The following FBN3 variants were observed in gnomAD, a reference collection of about 807,000 sequenced individuals.
The protein encoded by FBN3 is fibrillin-3.
In FBN3, 234 loss-of-function variants were observed where a neutral mutation model predicts 330.1. The ratio of observed to expected loss-of-function variants is 0.71; its 90% CI spans 0.64 to 0.79. FBN3 has a LOEUF of 0.79. FBN3 is among the 30% of genes least tolerant of loss of function. The probability of loss-of-function intolerance (pLI) is 0.00; values close to 1 mark genes in which losing one functional copy is unlikely to be tolerated. For missense variants in FBN3, 3,606 were observed against 3,886.9 expected (o/e 0.93, Z 1.92); for synonymous variants, 1,458 against 1,517.3 (o/e 0.96, Z 0.91).
chr19:8,131,811 G>A lies in FBN3; in HGVS notation c.1733C>T (p.Thr578Met), dbSNP rs765508615. 44 of 1,598,352 alleles carry A rather than the reference G, an allele frequency of 2.8e-5. No individual in the cohort carries two copies. The African/African-American group carries it at 3.3e-4, about 12-fold the overall frequency. Reference protein sequence around the residue: ...HYCMDIDECQTPGICVNGHCT... With the variant: ...HYCMDIDECQMPGICVNGHCT... ...GTGGCCGTTCACGCAGATGCCGGGC[G>A]TCTGGCACTCGTCAATGTCTGCAGA... Residue 578 changes from threonine (T) to methionine (M), a missense_variant, in exon 15 of 64, where the codon ACG becomes ATG. Coordinates refer to ENST00000600128, the MANE Select transcript of FBN3 (RefSeq NM_032447.5). The surrounding 1 kb of genome is among the most constrained non-coding windows in gnomAD (Gnocchi z 4.5).
chr19:8,116,985 T>A (rs4804268), intron 28 of FBN3, among the ~76,000 whole-genome samples, 184 bp downstream of exon 28: 1 of 151,900 alleles, frequency 6.6e-6, no homozygotes, highest in Admixed American at 6.6e-5. Context: ...TCTGCAAAAA[T>A]CCCAGGGGCT....
intron 29 of FBN3, 115 bp downstream of exon 29, chr19:8,116,559 G>T: frequency 9.1e-7 from 1 of 1,099,364 alleles, no homozygotes; most frequent in Non-Finnish European, 1.3e-6. Flanking sequence ...CCTGCGAATG[G>T]CAGGGGTGGG....
intron 63 of FBN3, among the ~76,000 whole-genome samples, chr19:8,071,205 G>A (rs1350629275): frequency 6.6e-6 from 1 of 152,166 alleles, no homozygotes; most frequent in East Asian, 1.9e-4. Flanking sequence ...CTCTTCAGTT[G>A]AGGGGCAAGC....
intron 20 of FBN3, 24 bp from the exon 21 acceptor site, chr19:8,126,371 AAG>A: frequency 1.3e-6 from 2 of 1,585,090 alleles, no homozygotes. Context: ...AACAAGAGTG[AAG>A]AGAGGAGTCA....
intron 26 of FBN3, 61 bp from the exon 27 acceptor site, chr19:8,117,650 A>C: frequency 1.4e-6 from 2 of 1,480,786 alleles, no homozygotes; most frequent in South Asian, 2.7e-5. Flanking sequence ...TGTGACCATG[A>C]GACACACTGG....
chr19:8,131,543 C>G lies in FBN3; in HGVS notation c.1990+11G>C, dbSNP rs370103339. ...AAGGAGGCGATGGGGACCGGGCAGC[C>G]GGATGCTCACCGGAGTCTTTGGCAG... On this transcript the variant is annotated intron_variant, in intron 15 of 63. Coordinates refer to ENST00000600128, the MANE Select transcript of FBN3 (RefSeq NM_032447.5). The surrounding 1 kb of genome is among the most constrained non-coding windows in gnomAD (Gnocchi z 4.5). 1.3e-6 allele frequency: 2 copies of G among 1,596,908 alleles called. No individual in the cohort carries two copies. The highest frequency in any genetic ancestry group is 4.5e-5 in the East Asian group (2 of 44,634).
intron 47 of FBN3, 137 bp downstream of exon 47, chr19:8,094,309 G>T: frequency 1.1e-6 from 1 of 917,172 alleles, no homozygotes; most frequent in Non-Finnish European, 1.6e-6. Context: ...GACAATAATA[G>T]TTTATGAAGC....
chr19:8,135,936 G>GGGGGGGGGGGGGGGGGGGGGCCCCCCCCC, intron 13 of FBN3, 25 bp downstream of exon 13: 2 of 668,758 alleles, frequency 3.0e-6, no homozygotes, highest in Non-Finnish European at 4.8e-6. Flanking sequence ...GGAAGCCCCT[G>GGGGGGGGGGGGGGGGGGGGGCCCCCCCCC]CCCACCCGCC....
intron 29 of FBN3, 129 bp from the exon 30 acceptor site, chr19:8,115,769 C>T (rs967837548): frequency 9.2e-7 from 1 of 1,082,900 alleles, no homozygotes; most frequent in African/African-American, 1.6e-5. Flanking sequence ...TCTGCTAGGA[C>T]TCTCTTTCTT....
rs540964225 is a variant in FBN3 at position 8,068,306 on chromosome 19, G to C, written c.8089-2046C>G. Among the ~76,000 whole-genome samples, 5 of 151,474 alleles carry C rather than the reference G, an allele frequency of 3.3e-5. No individual in the cohort carries two copies. In the East Asian group the frequency reaches 9.7e-4, roughly 29 times the overall value. On this transcript the variant is annotated intron_variant, in intron 63 of 63. Coordinates refer to ENST00000600128, the MANE Select transcript of FBN3 (RefSeq NM_032447.5). ...CTCCAGAGGCTGAGCCAGGAGAATG[G>C]CATGAACCCAGGAGGCGGAGCTTGC...
Position 8,083,340 on chromosome 19 carries a change from A to C in FBN3, c.7120T>G (p.Cys2374Gly), listed in dbSNP as rs751042433. ...VDECRMLAHLCAHGECINSLG... is the reference protein window; with the variant it reads ...VDECRMLAHLGAHGECINSLG... ...CTGTTGATGCACTCCCCATGAGCAC[A>C]CAGGTGAGCAAGCATACGGCATTCA... Residue 2374 changes from cysteine (C) to glycine (G), a missense_variant, in exon 57 of 64, where the codon TGT (cysteine) becomes GGT (glycine). Coordinates refer to ENST00000600128, the MANE Select transcript of FBN3 (RefSeq NM_032447.5). 5.6e-6 allele frequency: 9 copies of C among 1,614,076 alleles called. No homozygotes were observed. In the Admixed American group the frequency reaches 1.5e-4, roughly 27 times the overall value.
At position 8,116,723 on chromosome 19, in the gene FBN3, G is replaced by T. The variant is rs751289266; in HGVS notation, c.3663C>A (p.Cys1221Ter). Reference protein sequence around the residue: ...HCTNMPGGHRCLCYDGFMATP... With the variant: ...HCTNMPGGHR The stretch of plus-strand genomic sequence containing the variant: ...TGGCCATGAAGCCATCATAGCACAG[G>T]CAGCGGTGACCCCCTGGCATGTTGG... Residue 1221 changes from cysteine to a stop codon, truncating the protein, a stop_gained, in exon 29 of 64, where the codon TGC becomes TGA. Coordinates refer to ENST00000600128, the MANE Select transcript of FBN3 (RefSeq NM_032447.5). LOFTEE classifies it high-confidence loss of function. 7 of 1,614,112 alleles carry T rather than the reference G, an allele frequency of 4.3e-6. 1 individual carries two copies. In the South Asian group the frequency reaches 7.7e-5, roughly 18 times the overall value.
Position 8,072,071 on chromosome 19 carries a change from G to A in FBN3, c.8065C>T (p.Arg2689Cys), listed in dbSNP as rs369315242. Residue 2689 changes from arginine to cysteine, a missense_variant, in exon 63 of 64, where the codon CGC (arginine) becomes TGC (cysteine). Arg to Cys is a radical substitution (Grantham distance 180). Coordinates refer to ENST00000600128, the MANE Select transcript of FBN3 (RefSeq NM_032447.5). Reference protein sequence around the residue: ...NGLSPRDRPRRSAHRDHQVNL... With the variant: ...NGLSPRDRPRCSAHRDHQVNL... ...ACCTGGTGGTCCCTGTGGGCACTGC[G>A]TCGTGGCCGGTCCCGAGGGGAGAGG... The A allele has an allele frequency of 6.0e-5, 97 of 1,612,402 alleles. No individual in the cohort carries two copies. The highest frequency in any genetic ancestry group is 1.1e-4 in the East Asian group (5 of 44,794).
intron 63 of FBN3, among the ~76,000 whole-genome samples, chr19:8,069,281 G>A (rs905400282): frequency 3.3e-5 from 5 of 152,128 alleles, no homozygotes; most frequent in African/African-American, 1.2e-4. Context: ...CCTGGTCTTG[G>A]CAGCTGGACA....
chr19:8,086,181 C>G lies in FBN3; in HGVS notation c.6880+19G>C. ...ATGGTAGGTGGTTGCAACCACTGTG[C>G]GTGTCCAGCCACACTCACCGTGGCA... On this transcript the variant is annotated intron_variant, in intron 55 of 63. Coordinates refer to ENST00000600128, the MANE Select transcript of FBN3 (RefSeq NM_032447.5). 1 of 1,491,776 alleles carries G rather than the reference C, an allele frequency of 6.7e-7. No homozygotes were observed. The highest frequency in any genetic ancestry group is 9.1e-7 in the Non-Finnish European group (1 of 1,101,110). 92.4% of individuals were successfully genotyped at this position (1,491,776 alleles called of 1,614,324 possible). A position where few individuals can be genotyped will look rare whatever the true frequency, so the allele number is the denominator to read the frequency against.
intron 63 of FBN3, among the ~76,000 whole-genome samples, chr19:8,067,091 T>A (rs2081408791): frequency 6.6e-6 from 1 of 151,942 alleles, no homozygotes; most frequent in African/African-American, 2.4e-5. Context: ...GCAGGAGGAT[T>A]GCTTGAGGAC....
At chr19:8,117,627 C>A in intron 26 of FBN3, 38 bp from the exon 27 acceptor site, 1 of 1,494,970 alleles carries the variant, frequency 6.7e-7, no homozygotes, top group Non-Finnish European at 9.0e-7. Context: ...GCCTGTGCCC[C>A]ATCTGCCGTC....
chr19:8,140,175 C>A (rs2083379582), intron 8 of FBN3, among the ~76,000 whole-genome samples: 1 of 152,154 alleles, frequency 6.6e-6, no homozygotes, highest in Non-Finnish European at 1.5e-5. Context: ...AGAATTTCAA[C>A]AAAAATGCTC....
At chr19:8,097,599 G>A (rs2082239608) in intron 41 of FBN3, among the ~76,000 whole-genome samples, 185 bp from the exon 42 acceptor site, 1 of 152,222 alleles carries the variant, frequency 6.6e-6, no homozygotes, top group African/African-American at 2.4e-5. Context: ...TGAGGAGTGG[G>A]AGGAAAGACA....
Sources: gnomAD v4.1 joint callset for allele counts (sites outside exome capture counted in the v4.1 genomes callset) on GRCh38, gnomAD v4.1.1 for gene constraint, Gnocchi (gnomAD v3.1) non-coding constraint, MANE v1.5 for transcripts, NCBI Gene and HGNC (gene_info 2026-07-23, HGNC 2026-07-21) for gene names.